ZNF844: variants seen among roughly 807,000 people sequenced by gnomAD.
ZNF844 encodes zinc finger protein 844.
ZNF844 carries 11 observed loss-of-function variants against 11.4 expected under a neutral mutation model. The ratio of observed to expected loss-of-function variants is 0.97; its 90% confidence interval spans 0.61 to 1.60. ZNF844 has a LOEUF of 1.60. Ranked by LOEUF, ZNF844 falls within the 40% of genes most tolerant of loss-of-function variation. The probability of loss-of-function intolerance (pLI) is 0.00; values close to 1 mark genes in which losing one functional copy is unlikely to be tolerated. For synonymous variants in ZNF844, 248 were observed against 260.3 expected, an observed-to-expected ratio of 0.95 and a Z score of 0.46; for missense variants, 790 against 796.8, an observed-to-expected ratio of 0.99 and a Z score of 0.10.
rs1040594795 is a variant in ZNF844 at position 12,076,374 on chromosome 19, C to T, written c.1254C>T (p.Asn418=). Residue 418 remains asparagine (N), a synonymous_variant, in exon 4 of 4, where the codon AAC becomes AAT. Coordinates refer to ENST00000439326, the MANE Select transcript of ZNF844 (RefSeq NM_001136501.3). ...TGAAAGGACTCACACTGGAGAGAAA[C>T]CCTATGAATGTAAGCAGTGTAGTAA... ...TIMKGLTLER[N]PMNVSSVVKP... is the part of the protein sequence containing the mutation. 6.2e-7 allele frequency: 1 copy of T among 1,610,362 alleles called. No individual in the cohort carries two copies. The highest frequency in any genetic ancestry group is 8.5e-7 in the Non-Finnish European group (1 of 1,177,122).
chr19:12,064,994 C>G, intron 1 of ZNF844, 118 bp downstream of exon 1: 1 of 1,147,462 alleles, frequency 8.7e-7, no homozygotes, highest in Non-Finnish European at 1.2e-6. Context: ...GACTCGAGGT[C>G]TGGGGCCCGA....
At chr19:12,068,902 C>T (rs948224365) in intron 1 of ZNF844, among the ~76,000 whole-genome samples, 3 of 152,102 alleles carry the variant, frequency 2.0e-5, no homozygotes. Flanking sequence ...CAGAAGCCTG[C>T]AAAGAGGTCA....
intron 3 of ZNF844, 128 bp downstream of exon 3, chr19:12,074,549 C>T (rs1430372399): frequency 1.3e-6 from 1 of 748,986 alleles, no homozygotes; most frequent in East Asian, 2.8e-5. Flanking sequence ...AATATTCACT[C>T]TAAAAACCTA....
In ZNF844 at chr19:12,078,053, T is replaced by C. The variant is rs1975851900; in HGVS notation, c.*932T>C. ...ATCGTGTTAGCCAGGATGGTCTCAATCTCCTGACCTCGTGATCTGCCCGCC... is the reference window on the plus strand; with the variant it reads ...ATCGTGTTAGCCAGGATGGTCTCAACCTCCTGACCTCGTGATCTGCCCGCC... On this transcript the variant is annotated 3_prime_UTR_variant, in exon 4 of 4. Transcript: ENST00000439326. 6.2e-6 allele frequency: 1 copy of C among 161,464 alleles called. No homozygotes were observed. Among genetic ancestry groups the C allele is most frequent in the South Asian group, 1.7e-4 (1 of 6,022 alleles). The allele number at this position is 161,464 out of a possible 1,614,324, so 10.0% of individuals were successfully genotyped here.
intron 1 of ZNF844, 111 bp from the exon 2 acceptor site, chr19:12,073,920 A>G: frequency 7.2e-7 from 1 of 1,390,654 alleles, no homozygotes; most frequent in Non-Finnish European, 9.6e-7. Flanking sequence ...ACCAAGAAAT[A>G]GAATAAATGT....
rs760052946 is a variant in ZNF844 at position 12,075,896 on chromosome 19, G to T, written c.776G>T (p.Gly259Val). The change falls in exon 4 of 4, where the codon GGG (glycine) becomes GTG (valine). Residue 259 changes from glycine to valine, a missense_variant. Around this residue, in one of 3 missense-constraint regions of ZNF844, gnomAD observed 657 missense variants for 636.2 expected, o/e 1.03. Transcript: ENST00000439326. ...GEKPYECKEC[G>V]KAFGSPNSLY... ...AAGCCTTATGAATGTAAGGAATGTG[G>T]GAAAGCATTCGGTAGTCCCAATTCC... is the stretch of plus-strand genomic sequence containing the variant. 3.9e-5 allele frequency: 63 copies of T among 1,608,996 alleles called. No individual in the cohort carries two copies. The highest frequency in any genetic ancestry group is 5.1e-5 in the Non-Finnish European group (60 of 1,177,306).
At position 12,074,135 on chromosome 19, in the gene ZNF844, C is replaced by G. The variant is rs771323762; in HGVS notation, c.108C>G (p.Thr36=). Residue 36 remains threonine (T), a synonymous_variant, in exon 2 of 4, where the codon ACC becomes ACG. Transcript: ENST00000439326. ...TCTACAGAGAAGTGATGCAGGAAAC[C>G]TTGAGGAATCTGGCCTCCATAGGTA... ...KNLYREVMQE[T]LRNLASIGEK... 1 of 1,613,746 alleles carries G rather than the reference C, an allele frequency of 6.2e-7. No individual in the cohort carries two copies. Among genetic ancestry groups the G allele is most frequent in the East Asian group, 2.2e-5 (1 of 44,880 alleles).
Position 12,076,299 on chromosome 19 carries a change from T to C in ZNF844, c.1179T>C (p.Asn393=). ...KELTLERNLM[N]ASTVVKPSIV... ...TCACACTGGAGAGAAACCTTATGAA[T>C]GCAAGCACTGTGGTAAAGCCTTCAA... The change falls in exon 4 of 4, where the codon AAT becomes AAC. Residue 393 remains asparagine, a synonymous_variant. Coordinates refer to ENST00000439326, the MANE Select transcript of ZNF844 (RefSeq NM_001136501.3). 1 of 1,613,832 alleles carries C rather than the reference T, an allele frequency of 6.2e-7. No individual in the cohort carries two copies. Among genetic ancestry groups the C allele is most frequent in the Non-Finnish European group, 8.5e-7 (1 of 1,179,832 alleles).
chr19:12,067,440 T>C (rs962981312), intron 1 of ZNF844, among the ~76,000 whole-genome samples: 1 of 150,902 alleles, frequency 6.6e-6, no homozygotes, highest in Non-Finnish European at 1.5e-5. Context: ...ACCCCGTCTC[T>C]ACTAAAAATA....
At chr19:12,070,523 G>A (rs1975743760) in intron 1 of ZNF844, among the ~76,000 whole-genome samples, 1 of 152,258 alleles carries the variant, frequency 6.6e-6, no homozygotes, top group East Asian at 1.9e-4. Context: ...CATCAGGAGA[G>A]AAATCTGACC....
chr19:12,071,727 TTTA>T (rs1975754790), intron 1 of ZNF844, among the ~76,000 whole-genome samples: 1 of 150,924 alleles, frequency 6.6e-6, no homozygotes, highest in Non-Finnish European at 1.5e-5. Flanking sequence ...GGTACAATAA[TTTA>T]TTATTGTAAA....
At position 12,071,894 on chromosome 19, in the gene ZNF844, T is replaced by G. The variant is rs572665023; in HGVS notation, c.4-2137T>G. Among the ~76,000 whole-genome samples, 6 of 151,210 alleles carry G rather than the reference T, an allele frequency of 4.0e-5. No individual in the cohort carries two copies. The East Asian group carries it at 7.7e-4, about 19-fold the overall frequency. On this transcript the variant is annotated intron_variant, in intron 1 of 3. Coordinates refer to ENST00000439326, the MANE Select transcript of ZNF844 (RefSeq NM_001136501.3). ...CCTGAATTTTTTTTCTTTTTTTTTT[T>G]TTTGTTTGTTTGAGATGGAGTCTCA... is the stretch of plus-strand genomic sequence containing the variant.
chr19:12,074,823 G>C (rs1259689322), intron 3 of ZNF844, among the ~76,000 whole-genome samples: 1 of 152,196 alleles, frequency 6.6e-6, no homozygotes, highest in Non-Finnish European at 1.5e-5. Context: ...CTGCACTCCA[G>C]CCTGGGCTAT....
chr19:12,069,826 G>T (rs988260076), intron 1 of ZNF844, among the ~76,000 whole-genome samples: 1 of 151,728 alleles, frequency 6.6e-6, no homozygotes. Context: ...GTGGTGGCAC[G>T]TGCCTGTAGT....
intron 1 of ZNF844, among the ~76,000 whole-genome samples, chr19:12,069,547 A>G (rs996092876): frequency 6.6e-6 from 1 of 151,932 alleles, no homozygotes. Context: ...TAAGATCTGT[A>G]AGCATCTCAA....
chr19:12,077,266 A>T lies in ZNF844; in HGVS notation c.*145A>T. 1 of 1,403,368 alleles carries T rather than the reference A, an allele frequency of 7.1e-7. No individual in the cohort carries two copies. Among genetic ancestry groups the T allele is most frequent in the Middle Eastern group, 1.8e-4 (1 of 5,638 alleles). 86.9% of individuals were successfully genotyped at this position (1,403,368 alleles called of 1,614,324 possible). ...ATTTCTTCCACTGCCATTCGTAGACATGAAAGGACTCACACTGGAGAGAAA... is the reference window on the plus strand; with the variant it reads ...ATTTCTTCCACTGCCATTCGTAGACTTGAAAGGACTCACACTGGAGAGAAA... On this transcript the variant is annotated 3_prime_UTR_variant, in exon 4 of 4. Transcript: ENST00000439326.
chr19:12,075,832 A>C lies in ZNF844; in HGVS notation c.712A>C (p.Thr238Pro), dbSNP rs965734450. ...ATGTGGTAAAGCCTTTAGTTATTCA[A>C]CTTCCCTTCAAATACATGAAAGAAC... ...KQCGKAFSYS[T>P]SLQIHERTHT... The change falls in exon 4 of 4, where the codon ACT becomes CCT. Residue 238 changes from threonine to proline, a missense_variant. By Grantham distance (38) the Thr-to-Pro change is conservative (BLOSUM62 -1). Transcript: ENST00000439326. The C allele has an allele frequency of 6.2e-7, 1 of 1,610,640 alleles. No homozygotes were observed. The highest frequency in any genetic ancestry group is 8.5e-7 in the Non-Finnish European group (1 of 1,178,518).
intron 1 of ZNF844, chr19:12,070,032 A>T (rs992533070): frequency 6.9e-6 from 1 of 143,890 alleles, no homozygotes; most frequent in Non-Finnish European, 1.5e-5. Context: ...AAGAGGCGGG[A>T]GGATAGCTTG....
intron 3 of ZNF844, 25 bp from the exon 4 acceptor site, chr19:12,075,287 A>G: frequency 7.3e-7 from 1 of 1,367,852 alleles, no homozygotes. Flanking sequence ...CAAACCTTCA[A>G]TAATGTGTTT....
Sources: allele counts gnomAD v4.1 joint callset (sites outside exome capture counted in the v4.1 genomes callset), GRCh38; gene constraint gnomAD v4.1.1; regional missense constraint gnomAD v4.1.1; transcripts MANE v1.5; gene names NCBI Gene and HGNC (gene_info 2026-07-23, HGNC 2026-07-21).